GHR: variants seen among roughly 807,000 people sequenced by gnomAD.
GHR encodes the protein growth hormone receptor.
A neutral mutation model predicts 67.1 loss-of-function variants in GHR; 35 were observed. The ratio of observed to expected loss-of-function variants is 0.52; its 90% CI spans 0.40 to 0.69. The LOEUF is 0.69. Among genes scored for constraint, GHR ranks in the 30% least tolerant of loss-of-function variants. The pLI, the probability that GHR is intolerant of heterozygous loss-of-function variation, is 0.00. For synonymous variants in GHR, 272 were observed against 269.1 expected, an observed-to-expected ratio of 1.01 and a Z score of -0.10; for missense variants, 792 against 764.6, an observed-to-expected ratio of 1.04 and a Z score of -0.42.
chr5:42,548,438 A>G (rs1442806916), intron 1 of GHR: 1 of 984,968 alleles, frequency 1.0e-6, no homozygotes, highest in African/African-American at 1.7e-5. Flanking sequence ...TGAGTGAAAG[A>G]AAAAGGAAAT....
intron 2 of GHR, among the ~76,000 whole-genome samples, chr5:42,592,300 A>C (rs1304177488): frequency 6.6e-6 from 1 of 152,110 alleles, no homozygotes; most frequent in Admixed American, 6.5e-5. Flanking sequence ...GTACATGTGC[A>C]GGTCTGTTAT....
intron 2 of GHR, among the ~76,000 whole-genome samples, chr5:42,576,104 A>AAAAT (rs1193477937): frequency 2.5e-3 from 199 of 79,342 alleles, no homozygotes; most frequent in South Asian, 6.0e-3. Flanking sequence ...TAAAATAAAT[A>AAAAT]AAATAAAATA....
At chr5:42,703,919 A>G (rs1758051487) in intron 6 of GHR, among the ~76,000 whole-genome samples, 1 of 151,786 alleles carries the variant, frequency 6.6e-6, no homozygotes, top group African/African-American at 2.4e-5. Flanking sequence ...GAATTTGTTT[A>G]TCTGTTCTAG....
At chr5:42,465,546 C>T (rs1744687591) in intron 1 of GHR, 1 of 1,490,918 alleles carries the variant, frequency 6.7e-7, no homozygotes, top group Non-Finnish European at 9.3e-7. Flanking sequence ...GGTGTTTCCT[C>T]AGTCACATTT....
chr5:42,634,256 G>A (rs1754061288), intron 3 of GHR, among the ~76,000 whole-genome samples: 1 of 151,904 alleles, frequency 6.6e-6, no homozygotes, highest in South Asian at 2.1e-4. Context: ...AGCTTACGTG[G>A]TATTTATTGT....
At chr5:42,577,690 C>G (rs1359554033) in intron 2 of GHR, among the ~76,000 whole-genome samples, 1 of 152,172 alleles carries the variant, frequency 6.6e-6, no homozygotes, top group Non-Finnish European at 1.5e-5. Flanking sequence ...TGAACTTATA[C>G]ATTTTGTAAA....
intron 1 of GHR, among the ~76,000 whole-genome samples, chr5:42,553,634 G>A (rs1203566583): frequency 6.6e-6 from 1 of 152,172 alleles, no homozygotes; most frequent in Non-Finnish European, 1.5e-5. Flanking sequence ...AAGCCAGTGG[G>A]TTAGCCATCT....
intron 8 of GHR, 152 bp downstream of exon 8, chr5:42,713,671 A>T (rs566351462): frequency 3.2e-6 from 2 of 629,902 alleles, no homozygotes; most frequent in Non-Finnish European, 5.7e-6. Flanking sequence ...TATATTTACC[A>T]TTCATATAAA....
Position 42,688,892 on chromosome 5 carries a change from T to A in GHR, c.139T>A (p.Ser47Thr). The A allele has an allele frequency of 2.5e-6, 4 of 1,613,896 alleles. No homozygotes were observed. Among genetic ancestry groups the A allele is most frequent in the Non-Finnish European group, 3.4e-6 (4 of 1,179,794 alleles). Residue 47 changes from serine (S) to threonine (T), a missense_variant and splice_region_variant, in exon 4 of 10, where the codon TCT (serine) becomes ACT (threonine). By Grantham distance (58) the Ser-to-Thr change is moderately conservative. Transcript: ENST00000230882. Reference protein sequence around the residue: ...QSVNPGLKTNSSKEPKFTKCR... With the variant: ...QSVNPGLKTNTSKEPKFTKCR... Reference sequence around the variant, plus strand: ...TGCCTTTTCTTTTTATTCTGCAGATTCTTCTAAGGAGCCTAAATTCACCAA... The same window carrying A: ...TGCCTTTTCTTTTTATTCTGCAGATACTTCTAAGGAGCCTAAATTCACCAA...
chr5:42,566,403 C>T (rs1749941081), intron 2 of GHR, among the ~76,000 whole-genome samples: 3 of 152,208 alleles, frequency 2.0e-5, no homozygotes, highest in Admixed American at 1.3e-4. Flanking sequence ...AATTTCACTT[C>T]TCACTCTCTG....
chr5:42,650,932 G>A (rs1754991614), intron 3 of GHR, among the ~76,000 whole-genome samples: 1 of 152,110 alleles, frequency 6.6e-6, no homozygotes, highest in Admixed American at 6.5e-5. Flanking sequence ...AAGGTTTATA[G>A]GTCTTCATTA....
At chr5:42,716,157 G>A (rs1393144423) in intron 8 of GHR, among the ~76,000 whole-genome samples, 17 of 129,628 alleles carry the variant, frequency 1.3e-4, no homozygotes, top group Non-Finnish European at 2.3e-4. Context: ...TACCAATTTC[G>A]AGATGCAGAA....
intron 2 of GHR, among the ~76,000 whole-genome samples, chr5:42,569,966 A>G (rs1012175223): frequency 4.6e-5 from 7 of 152,152 alleles, no homozygotes; most frequent in Admixed American, 1.3e-4. Context: ...TCATAAACCT[A>G]TGCACACTGA....
intron 2 of GHR, among the ~76,000 whole-genome samples, chr5:42,568,290 G>A (rs6865492): frequency 0.35 from 52,462 of 151,968 alleles, 10,994 homozygotes; most frequent in African/African-American, 0.59. Context: ...GAACAGTGCC[G>A]TTATTGTGTT....
At position 42,629,050 on chromosome 5, in the gene GHR, T is replaced by G. The variant is rs756184879; in HGVS notation, c.83T>G (p.Ile28Ser). 2.8e-6 allele frequency: 4 copies of G among 1,404,926 alleles called. No homozygotes were observed. In the South Asian group the frequency reaches 3.6e-5, roughly 13 times the overall value. The allele number at this position is 1,404,926 out of a possible 1,614,324, so 87.0% of individuals were successfully genotyped here. A position where few individuals can be genotyped will look rare whatever the true frequency, so the allele number is the denominator to read the frequency against. Residue 28 changes from isoleucine to serine, a missense_variant, in exon 3 of 10, where the codon ATC (isoleucine) becomes AGC (serine). Ile to Ser is a moderately radical substitution (Grantham distance 142). Coordinates refer to ENST00000230882, the MANE Select transcript of GHR (RefSeq NM_000163.5). ...AFSGSEATAA[I>S]LSRAPWSLQS... is the part of the protein sequence containing the mutation. Reference sequence around the variant, plus strand: ...CTTTCTGTTTCAGCCACAGCAGCTATCCTTAGCAGAGCACCCTGGAGTCTG... The same window carrying G: ...CTTTCTGTTTCAGCCACAGCAGCTAGCCTTAGCAGAGCACCCTGGAGTCTG...
chr5:42,700,108 T>A, intron 6 of GHR, 106 bp downstream of exon 6: 5 of 717,256 alleles, frequency 7.0e-6, no homozygotes, highest in Non-Finnish European at 1.0e-5. Context: ...ATGTTCATGC[T>A]GTATGCTCCA....
chr5:42,610,157 G>A (rs969424550), intron 2 of GHR, among the ~76,000 whole-genome samples: 2 of 152,132 alleles, frequency 1.3e-5, no homozygotes, highest in African/African-American at 2.4e-5. Flanking sequence ...GGAATGTAAG[G>A]ATAGCATGTT....
rs370406031 is a variant in GHR, at chr5:42,587,152, CAT to C, written c.70+21209_70+21210del. Among the ~76,000 whole-genome samples the C allele has an allele frequency of 1.2e-4, 18 of 151,848 alleles. No homozygotes were observed. The South Asian group carries it at 1.5e-3, about 12-fold the overall frequency. Reference sequence around the variant, plus strand: ...CTATTATATGAAATAAATTTAAAAACATGTGTCTACAGTCAGGACAAACAAGT... The same window carrying C: ...CTATTATATGAAATAAATTTAAAAACGTGTCTACAGTCAGGACAAACAAGT... On this transcript the variant is annotated intron_variant, in intron 2 of 9. Transcript: ENST00000230882.
chr5:42,479,546 A>G (rs1378850432), intron 1 of GHR, among the ~76,000 whole-genome samples: 1 of 152,168 alleles, frequency 6.6e-6, no homozygotes, highest in Non-Finnish European at 1.5e-5. Flanking sequence ...GCTATTCATT[A>G]TTGCCTCAAT....
Sources: gnomAD v4.1 joint callset for allele counts (sites outside exome capture counted in the v4.1 genomes callset) on GRCh38, gnomAD v4.1.1 for gene constraint, MANE v1.5 for transcripts, NCBI Gene and HGNC (gene_info 2026-07-23, HGNC 2026-07-21) for gene names.